Variants in ZDHHC5 observed in about 807,000 individuals in gnomAD.
ZDHHC5 encodes palmitoyltransferase ZDHHC5.
ZDHHC5 carries 22 observed loss-of-function variants against 70.0 expected under a neutral mutation model. The ratio of observed to expected loss-of-function variants is 0.31; its 90% CI spans 0.22 to 0.45. The LOEUF is 0.45. Among genes scored for constraint, ZDHHC5 ranks in the 20% least tolerant of loss-of-function variants. The probability of loss-of-function intolerance (pLI) is 1.00; values close to 1 mark genes in which losing one functional copy is unlikely to be tolerated. For synonymous variants in ZDHHC5, 313 were observed against 347.8 expected, an observed-to-expected ratio of 0.90 and a Z score of 1.11; for missense variants, 746 against 926.9, an observed-to-expected ratio of 0.80 and a Z score of 2.53.
chr11:57,676,014 T>C (rs1946067356), intron 2 of ZDHHC5, among the ~76,000 whole-genome samples: 1 of 152,158 alleles, frequency 6.6e-6, no homozygotes, highest in East Asian at 1.9e-4. Flanking sequence ...CTAGCTACAT[T>C]ATTAGAAGCC....
rs1325638088 is a variant in ZDHHC5, at chr11:57,672,100, G to A, written c.-991G>A. The A allele has an allele frequency of 1.0e-5, 4 of 395,074 alleles. No homozygotes were observed. Among genetic ancestry groups the A allele is most frequent in the Non-Finnish European group, 1.8e-5 (4 of 224,408 alleles). The allele number at this position is 395,074 out of a possible 1,614,324, so 24.5% of individuals were successfully genotyped here. On this transcript the variant is annotated 5_prime_UTR_variant, in exon 2 of 12. Transcript: ENST00000287169. ...AAGATAAGAGACATTGACTAGTCTG[G>A]AAACAGGGACATCTTTGGAACTTCG...
At position 57,677,439 on chromosome 11, in the gene ZDHHC5, A is replaced by T. The variant is rs540023950; in HGVS notation, c.104+4245A>T. Among the ~76,000 whole-genome samples the T allele has an allele frequency of 9.9e-5, 15 of 152,064 alleles. No homozygotes were observed. The East Asian group carries it at 2.9e-3, about 29-fold the overall frequency. On this transcript the variant is annotated intron_variant, in intron 2 of 11. Transcript: ENST00000287169. ...GTAGCTGGAATTACAGGCGCCTGCC[A>T]CTAAGCCCAGCTAATTTTTGTATTT...
At chr11:57,695,055 G>A (rs1362905907) in intron 8 of ZDHHC5, among the ~76,000 whole-genome samples, 7 of 152,166 alleles carry the variant, frequency 4.6e-5, no homozygotes, top group African/African-American at 1.7e-4. Context: ...CTGAGGTTGG[G>A]AGCTCGAGAC....
intron 9 of ZDHHC5, 100 bp downstream of exon 9, chr11:57,696,143 T>C: frequency 6.8e-7 from 1 of 1,481,158 alleles, no homozygotes. Context: ...GAGATATTAC[T>C]CGTGTTGTGA....
rs987488854 is a variant in ZDHHC5 at position 57,692,796 on chromosome 11, T to C, written c.752+94T>C. 5 of 1,258,902 alleles carry C rather than the reference T, an allele frequency of 4.0e-6. No homozygotes were observed. The African/African-American group carries it at 7.5e-5, about 19-fold the overall frequency. The allele number at this position is 1,258,902 out of a possible 1,614,324, so 78.0% of individuals were successfully genotyped here. Reference sequence around the variant, plus strand: ...GTAAAGGAGGGGTCTGGTGAGAGCCTTTAGGAAGGGTTCTCTATCTTAGAA... The same window carrying C: ...GTAAAGGAGGGGTCTGGTGAGAGCCCTTAGGAAGGGTTCTCTATCTTAGAA... On this transcript the variant is annotated intron_variant, in intron 7 of 11. Coordinates refer to ENST00000287169, the MANE Select transcript of ZDHHC5 (RefSeq NM_015457.3).
chr11:57,693,877 A>G lies in ZDHHC5; in HGVS notation c.847A>G (p.Met283Val), dbSNP rs755872872. The G allele has an allele frequency of 5.6e-6, 9 of 1,613,430 alleles. No individual in the cohort carries two copies. The highest frequency in any genetic ancestry group is 3.3e-5 in the Admixed American group (2 of 59,948). ...VSDGQITVKI[M>V]DNGIQGELRR... Reference sequence around the variant, plus strand: ...AGATGGGCAGATAACTGTGAAGATCATGGATAATGGCATCCAGGGAGAGCT... The same window carrying G: ...AGATGGGCAGATAACTGTGAAGATCGTGGATAATGGCATCCAGGGAGAGCT... Residue 283 changes from methionine to valine, a missense_variant, in exon 8 of 12, where the codon ATG becomes GTG. Around this residue, in one of 6 missense-constraint regions of ZDHHC5, gnomAD observed 114 missense variants for 179.3 expected, o/e 0.64. Transcript: ENST00000287169.
chr11:57,684,265 G>A (rs904420486), intron 3 of ZDHHC5, among the ~76,000 whole-genome samples: 3 of 152,148 alleles, frequency 2.0e-5, no homozygotes, highest in African/African-American at 4.8e-5. Context: ...GTGAGCCACC[G>A]CGCCTGGCCC....
chr11:57,692,451 A>C (rs1369077049), intron 6 of ZDHHC5, among the ~76,000 whole-genome samples, 160 bp from the exon 7 acceptor site: 1 of 152,228 alleles, frequency 6.6e-6, no homozygotes, highest in Non-Finnish European at 1.5e-5. Flanking sequence ...CTGACTGTAG[A>C]TTCCCTGCTC....
At chr11:57,673,774 A>T (rs1437772176) in intron 2 of ZDHHC5, among the ~76,000 whole-genome samples, 2 of 152,120 alleles carry the variant, frequency 1.3e-5, no homozygotes, top group Admixed American at 6.6e-5. Context: ...GTTTCACCAT[A>T]TTGGCCAGGC....
At chr11:57,678,616 A>C (rs1946106087) in intron 2 of ZDHHC5, among the ~76,000 whole-genome samples, 1 of 150,022 alleles carries the variant, frequency 6.7e-6, no homozygotes, top group South Asian at 2.1e-4. Context: ...GCAGTGGCTC[A>C]CACCTGTAAT....
At chr11:57,670,326 C>G (rs1945988957) in intron 1 of ZDHHC5, among the ~76,000 whole-genome samples, 2 of 151,986 alleles carry the variant, frequency 1.3e-5, no homozygotes, top group Non-Finnish European at 2.9e-5. Flanking sequence ...ACAAAATTAG[C>G]TGGGTGTGGT....
intron 1 of ZDHHC5, among the ~76,000 whole-genome samples, chr11:57,670,960 G>A (rs1040742328): frequency 5.3e-5 from 8 of 151,840 alleles, no homozygotes; most frequent in Admixed American, 2.6e-4. Context: ...ACAGGCGCCC[G>A]CCCGGCTAAT....
chr11:57,692,703 G>A lies in ZDHHC5; in HGVS notation c.752+1G>A. ...TTCTCTGCAGTTCTCCAGCACCCAG[G>A]TACACCTATCCCTCTGGTCTAGTGT... On this transcript the variant is annotated splice_donor_variant, in intron 7 of 11. Transcript: ENST00000287169. LOFTEE classifies it high-confidence loss of function. 1 of 1,614,070 alleles carries A rather than the reference G, an allele frequency of 6.2e-7. No individual in the cohort carries two copies. The highest frequency in any genetic ancestry group is 8.5e-7 in the Non-Finnish European group (1 of 1,179,990).
At chr11:57,669,426 T>C (rs1419314986) in intron 1 of ZDHHC5, among the ~76,000 whole-genome samples, 2 of 152,238 alleles carry the variant, frequency 1.3e-5, no homozygotes, top group Admixed American at 6.5e-5. Flanking sequence ...TTTCATAGTT[T>C]ACTCTGTGCC....
chr11:57,690,299 C>T, intron 5 of ZDHHC5, 36 bp from the exon 6 acceptor site: 1 of 1,613,894 alleles, frequency 6.2e-7, no homozygotes. Context: ...AAAGTGAGGT[C>T]ATGTTGCTCT....
At chr11:57,671,987 G>C (rs1292932262) in intron 1 of ZDHHC5, 34 bp from the exon 2 acceptor site, 1 of 358,036 alleles carries the variant, frequency 2.8e-6, no homozygotes, top group Non-Finnish European at 5.0e-6. Context: ...TACCCTGAAA[G>C]AATTCTCTGA....
At chr11:57,668,796 T>G (rs1945961460) in intron 1 of ZDHHC5, among the ~76,000 whole-genome samples, 1 of 152,268 alleles carries the variant, frequency 6.6e-6, no homozygotes, top group Admixed American at 6.5e-5. Context: ...TACTTTGTAC[T>G]TTTTAAAGTG....
intron 2 of ZDHHC5, among the ~76,000 whole-genome samples, chr11:57,678,638 G>T (rs1946106377): frequency 6.6e-6 from 1 of 151,020 alleles, no homozygotes; most frequent in Non-Finnish European, 1.5e-5. Flanking sequence ...CTAGTACTTT[G>T]GGAGGCTGAG....
Position 57,699,033 on chromosome 11 carries a change from T to G in ZDHHC5, c.1597T>G (p.Tyr533Asp). Residue 533 changes from tyrosine to aspartate, a missense_variant, in exon 11 of 12, where the codon TAC becomes GAC. Tyr to Asp is a radical substitution (Grantham distance 160, BLOSUM62 -3). Transcript: ENST00000287169. Reference protein sequence around the residue: ...PTHREPSPVRYDNLSRHIVAS... With the variant: ...PTHREPSPVRDDNLSRHIVAS... ...ACACCGAGAGCCCTCACCAGTCCGT[T>G]ACGACAATCTGTCGCGCCACATTGT... is the stretch of plus-strand genomic sequence containing the variant. 1 of 1,611,166 alleles carries G rather than the reference T, an allele frequency of 6.2e-7. No homozygotes were observed. The highest frequency in any genetic ancestry group is 8.5e-7 in the Non-Finnish European group (1 of 1,179,904).
Sources: allele counts gnomAD v4.1 joint callset (sites outside exome capture counted in the v4.1 genomes callset), GRCh38; gene constraint gnomAD v4.1.1; regional missense constraint gnomAD v4.1.1; transcripts MANE v1.5; gene names NCBI Gene and HGNC (gene_info 2026-07-23, HGNC 2026-07-21).